QRFPR: variants seen among roughly 807,000 people sequenced by gnomAD.
QRFPR encodes the protein pyroglutamylated RF-amide peptide receptor.
A neutral mutation model predicts 31.3 loss-of-function variants in QRFPR; 37 were observed. The observed-to-expected ratio is 1.18, with a 90% CI of 0.91 to 1.56. The LOEUF (loss-of-function observed/expected upper bound fraction) is 1.56. QRFPR is among the 40% of genes most tolerant of loss of function. The pLI, the probability that QRFPR is intolerant of heterozygous loss-of-function variation, is 0.00. For missense variants in QRFPR, 542 were observed against 532.5 expected, an observed-to-expected ratio of 1.02 and a Z score of -0.18; for synonymous variants, 197 against 192.0, an observed-to-expected ratio of 1.03 and a Z score of -0.22.
chr4:121,343,143 G>A (rs924840058), intron 1 of QRFPR, among the ~76,000 whole-genome samples: 8 of 152,162 alleles, frequency 5.3e-5, no homozygotes, highest in African/African-American at 1.4e-4. Context: ...GGACTGTATC[G>A]GCTCCCCAAG....
intron 1 of QRFPR, among the ~76,000 whole-genome samples, chr4:121,357,382 A>G (rs11937368): frequency 0.02 from 3,063 of 152,266 alleles, 124 homozygotes; most frequent in African/African-American, 0.07. Flanking sequence ...GAAAGAAAGA[A>G]GGCAGTCGAA....
rs531708638 is a variant in QRFPR at position 121,330,975 on chromosome 4, T to C, written c.798-452A>G. 2.6e-5 allele frequency among the ~76,000 whole-genome samples: 4 copies of C among 152,074 alleles called. No individual in the cohort carries two copies. In the South Asian group the frequency reaches 8.3e-4, roughly 32 times the overall value. On this transcript the variant is annotated intron_variant, in intron 4 of 5. Transcript: ENST00000394427. ...TGTGGTAGTAAAATATCAATATTTA[T>C]AAAATATGGGCCAGGTGCAGTGACT...
In QRFPR at chr4:121,350,322, T is replaced by C. The variant is rs1725738883; in HGVS notation, c.341-9712A>G. 2.0e-5 allele frequency among the ~76,000 whole-genome samples: 3 copies of C among 152,216 alleles called. No homozygotes were observed. The South Asian group carries it at 6.2e-4, about 32-fold the overall frequency. On this transcript the variant is annotated intron_variant, in intron 1 of 5. Coordinates refer to ENST00000394427, the MANE Select transcript of QRFPR (RefSeq NM_198179.3). Reference sequence around the variant, plus strand: ...TCCACCAAGTTCAAGGATAATATTCTTCACTGTATTTGTTTAGTCCCCATA... The same window carrying C: ...TCCACCAAGTTCAAGGATAATATTCCTCACTGTATTTGTTTAGTCCCCATA...
At chr4:121,330,366 T>C in intron 5 of QRFPR, 60 bp downstream of exon 5, 1 of 1,142,442 alleles carries the variant, frequency 8.8e-7, no homozygotes, top group Non-Finnish European at 1.3e-6. Context: ...AAAGATTCAT[T>C]GTCTATTCTA....
At chr4:121,367,939 A>G (rs1311689554) in intron 1 of QRFPR, among the ~76,000 whole-genome samples, 2 of 149,188 alleles carry the variant, frequency 1.3e-5, no homozygotes, top group Non-Finnish European at 3.0e-5. Context: ...AGAGATCACA[A>G]TAGAAGACAC....
chr4:121,336,916 A>G (rs1444981241), intron 2 of QRFPR, 48 bp from the exon 3 acceptor site: 1 of 1,468,658 alleles, frequency 6.8e-7, no homozygotes, highest in Non-Finnish European at 9.5e-7. Context: ...TGAGTAAAAC[A>G]CATCCATGCA....
chr4:121,332,713 G>T, intron 4 of QRFPR, 108 bp downstream of exon 4: 3 of 785,816 alleles, frequency 3.8e-6, no homozygotes, highest in Non-Finnish European at 6.1e-6. Flanking sequence ...GAATTGCAAA[G>T]GATGCTTAGA....
chr4:121,346,121 T>C (rs1206148909), intron 1 of QRFPR, among the ~76,000 whole-genome samples: 1 of 152,226 alleles, frequency 6.6e-6, no homozygotes, highest in Non-Finnish European at 1.5e-5. Flanking sequence ...TGCAGTTTCA[T>C]AAAGGAAAGT....
chr4:121,336,945 G>A, intron 2 of QRFPR, 77 bp from the exon 3 acceptor site: 7 of 1,303,362 alleles, frequency 5.4e-6, no homozygotes, highest in East Asian at 2.3e-5. Flanking sequence ...TAACCCTCAA[G>A]ATTCCCTATG....
intron 1 of QRFPR, among the ~76,000 whole-genome samples, chr4:121,374,958 T>C (rs1280965639): frequency 6.6e-6 from 1 of 152,124 alleles, no homozygotes; most frequent in Non-Finnish European, 1.5e-5. Context: ...GAGCTGTGTG[T>C]GCACCTGAGG....
intron 1 of QRFPR, among the ~76,000 whole-genome samples, chr4:121,343,907 T>A (rs1352403837): frequency 6.6e-6 from 1 of 152,220 alleles, no homozygotes; most frequent in East Asian, 1.9e-4. Flanking sequence ...CAGTATACAC[T>A]CTGATTCTGC....
At chr4:121,333,171 C>A in intron 3 of QRFPR, 115 bp from the exon 4 acceptor site, 1 of 654,654 alleles carries the variant, frequency 1.5e-6, no homozygotes, top group Non-Finnish European at 2.6e-6. Flanking sequence ...TTGTCCCCAG[C>A]ACGTATTTCA....
chr4:121,359,633 A>ATGTG (rs35744650), intron 1 of QRFPR, among the ~76,000 whole-genome samples: 2,181 of 150,098 alleles, frequency 0.015, 22 homozygotes, highest in Non-Finnish European at 0.023. Flanking sequence ...TCATATATAT[A>ATGTG]TGTGTGTGTG....
In QRFPR at chr4:121,329,662, G is replaced by T. The variant is rs73845733; in HGVS notation, c.948C>A (p.Ile316=). The part of the protein sequence containing the change: ...DDVTIKMIFA[I]VQIIGFSNSI... ...AGTTGGAAAATCCAATAATTTGCAC[G>T]ATAGCAAAAATCATCTTGATTGTGA... The change falls in exon 6 of 6, where the codon ATC becomes ATA. Residue 316 remains isoleucine (I), a synonymous_variant. Coordinates refer to ENST00000394427, the MANE Select transcript of QRFPR (RefSeq NM_198179.3). 2 of 1,576,624 alleles carry T rather than the reference G, an allele frequency of 1.3e-6. No homozygotes were observed. The highest frequency in any genetic ancestry group is 1.7e-6 in the Non-Finnish European group (2 of 1,162,080).
intron 5 of QRFPR, among the ~76,000 whole-genome samples, chr4:121,330,056 C>A (rs1201368159): frequency 6.9e-6 from 1 of 144,644 alleles, no homozygotes; most frequent in African/African-American, 2.5e-5. Context: ...TACTGAGAAC[C>A]ATGGTAAGTC....
At chr4:121,331,220 G>A (rs968313150) in intron 4 of QRFPR, among the ~76,000 whole-genome samples, 8 of 121,686 alleles carry the variant, frequency 6.6e-5, no homozygotes, top group Admixed American at 2.2e-4. Context: ...GGTCTTACTC[G>A]GTTGCCCAGG....
intron 1 of QRFPR, among the ~76,000 whole-genome samples, chr4:121,378,659 G>A (rs868743786): frequency 3.7e-4 from 57 of 152,080 alleles, no homozygotes; most frequent in Middle Eastern, 3.4e-3. Context: ...TCATGACCTC[G>A]TGATCCGCCC....
rs893273198 is a variant in QRFPR at position 121,328,813 on chromosome 4, T to C, written c.*501A>G. ...CTCTTTCGCCCAGGCTGGAGTGCAG[T>C]GGCATGATCTCGGATCACTGCAAGC... On this transcript the variant is annotated 3_prime_UTR_variant, in exon 6 of 6. Coordinates refer to ENST00000394427, the MANE Select transcript of QRFPR (RefSeq NM_198179.3). Among the ~76,000 whole-genome samples the C allele has an allele frequency of 2.0e-5, 3 of 152,192 alleles. No individual in the cohort carries two copies. Among genetic ancestry groups the C allele is most frequent in the Admixed American group, 6.5e-5 (1 of 15,292 alleles).
Position 121,362,751 on chromosome 4 carries a change from C to T in QRFPR, c.340+17557G>A, listed in dbSNP as rs77268501. ...GCCTTTTCAACAAATGGCACTGAAA[C>T]AACTGGACTTCCACAGGAAAAATAA... On this transcript the variant is annotated intron_variant, in intron 1 of 5. Coordinates refer to ENST00000394427, the MANE Select transcript of QRFPR (RefSeq NM_198179.3). 4.9e-3 allele frequency among the ~76,000 whole-genome samples: 738 copies of T among 149,990 alleles called. 32 individuals carry two copies. The highest frequency in any genetic ancestry group is 8.7e-3 in the Non-Finnish European group (585 of 67,548).
Sources: gnomAD v4.1 joint callset for allele counts (sites outside exome capture counted in the v4.1 genomes callset) on GRCh38, gnomAD v4.1.1 for gene constraint, MANE v1.5 for transcripts, NCBI Gene and HGNC (gene_info 2026-07-23, HGNC 2026-07-21) for gene names.